Variants in B4GALNT2 observed in about 807,000 individuals in gnomAD.
B4GALNT2 encodes the protein beta-1,4-N-acetyl-galactosaminyltransferase 2 (SID blood group).
Under a neutral mutation model 51.1 loss-of-function variants are expected in B4GALNT2, and 42 were observed. That is an observed-to-expected ratio of 0.82 (90% confidence interval 0.64 to 1.06). The LOEUF (loss-of-function observed/expected upper bound fraction) is 1.06. Among genes scored for constraint, B4GALNT2 ranks in the 50% least tolerant of loss-of-function variants. B4GALNT2 has a pLI of 0.00. For missense variants in B4GALNT2, 602 were observed against 633.6 expected (o/e 0.95, Z 0.54); for synonymous variants, 253 against 251.7 (o/e 1.01, Z -0.05).
At chr17:49,163,304 T>G (rs2042881037) in intron 7 of B4GALNT2, among the ~76,000 whole-genome samples, 1 of 152,150 alleles carries the variant, frequency 6.6e-6, no homozygotes, top group Non-Finnish European at 1.5e-5. Context: ...AACCATGTCT[T>G]CCTGAGGATA....
intron 4 of B4GALNT2, 117 bp downstream of exon 4, chr17:49,153,023 A>G (rs893764568): frequency 3.3e-6 from 3 of 897,484 alleles, no homozygotes; most frequent in African/African-American, 1.7e-5. Flanking sequence ...TTGGGAGTCC[A>G]AAGCAGGAGT....
In B4GALNT2 at chr17:49,168,191, G is replaced by A. The variant is rs569453948; in HGVS notation, c.1096-490G>A. On this transcript the variant is annotated intron_variant, in intron 9 of 10. Transcript: ENST00000393354. ...ATCTGTTGTGCTCAGGCTCAAACATGAAAATGCACATCTCTTCCATGAGTG... is the reference window on the plus strand; with the variant it reads ...ATCTGTTGTGCTCAGGCTCAAACATAAAAATGCACATCTCTTCCATGAGTG... Among the ~76,000 whole-genome samples the A allele has an allele frequency of 2.0e-5, 3 of 152,332 alleles. No homozygotes were observed. In the East Asian group the frequency reaches 5.8e-4, roughly 29 times the overall value.
chr17:49,122,127 C>T, the B4GALNT2 span, among the ~76,000 whole-genome samples: 7 of 151,958 alleles, frequency 4.6e-5, no homozygotes, highest in African/African-American at 1.5e-4. Flanking sequence ...TGTCTCTGGT[C>T]GGGGAGGGAT....
chr17:49,132,658 C>T, upstream of B4GALNT2: 1 of 1,093,078 alleles, frequency 9.1e-7, no homozygotes, highest in Non-Finnish European at 1.2e-6. Context: ...GAGAGAAGGG[C>T]GGGGGCCGTC....
intron 3 of B4GALNT2, among the ~76,000 whole-genome samples, chr17:49,143,504 G>T (rs2042664975): frequency 6.6e-6 from 1 of 152,090 alleles, no homozygotes; most frequent in Non-Finnish European, 1.5e-5. Context: ...TGTTGCTTCT[G>T]CAATGAACTG....
chr17:49,148,401 C>A, intron 3 of B4GALNT2: 1 of 328,500 alleles, frequency 3.0e-6, no homozygotes, highest in Admixed American at 3.9e-5. Context: ...TGGTTGTTGA[C>A]ACAGCCTCAG....
chr17:49,160,417 A>G lies in B4GALNT2; in HGVS notation c.680-138A>G, dbSNP rs528339452. The G allele has an allele frequency of 2.6e-5, 21 of 796,356 alleles. No homozygotes were observed. The East Asian group carries it at 4.4e-4, about 17-fold the overall frequency. The allele number at this position is 796,356 out of a possible 1,614,324, so 49.3% of individuals were successfully genotyped here. On this transcript the variant is annotated intron_variant, in intron 6 of 10. Transcript: ENST00000393354. Reference sequence around the variant, plus strand: ...CAGAAGCCTGAATGCCAGAGACTCTATGGGGTCCTTGATCTCATCCCAACC... The same window carrying G: ...CAGAAGCCTGAATGCCAGAGACTCTGTGGGGTCCTTGATCTCATCCCAACC...
intron 1 of B4GALNT2, among the ~76,000 whole-genome samples, chr17:49,134,173 T>C (rs1293948952): frequency 2.0e-5 from 3 of 152,236 alleles, no homozygotes; most frequent in Non-Finnish European, 4.4e-5. Context: ...CAAATTTGAC[T>C]TTTCCTCCAC....
upstream of B4GALNT2, among the ~76,000 whole-genome samples, chr17:49,128,627 G>A (rs180955336): frequency 9.9e-5 from 15 of 152,262 alleles, no homozygotes; most frequent in African/African-American, 3.4e-4. Context: ...GCCATTCCTG[G>A]TTATAAAGTT....
intron 1 of B4GALNT2, among the ~76,000 whole-genome samples, chr17:49,135,524 C>G (rs1249184188): frequency 6.6e-6 from 1 of 151,974 alleles, no homozygotes; most frequent in Non-Finnish European, 1.5e-5. Flanking sequence ...TCCCAAAGTG[C>G]TGGGATTACA....
chr17:49,135,829 C>T (rs879904466), intron 1 of B4GALNT2, among the ~76,000 whole-genome samples: 3 of 151,318 alleles, frequency 2.0e-5, no homozygotes, highest in South Asian at 2.1e-4. Flanking sequence ...TTTGGGAGGC[C>T]GAGGCGGGCG....
rs768953563 is a variant in B4GALNT2 at position 49,173,734 on chromosome 17, C to T, written c.*4006C>T. On this transcript the variant is annotated 3_prime_UTR_variant, in exon 11 of 11. Coordinates refer to ENST00000393354, the MANE Select transcript of B4GALNT2 (RefSeq NM_001159387.2). ...TTGATCCAAATAAGGAGTTAGAGTCCGTGAATTAGTATGTGGAAGAAAAAG... is the reference window on the plus strand; with the variant it reads ...TTGATCCAAATAAGGAGTTAGAGTCTGTGAATTAGTATGTGGAAGAAAAAG... 16 of 152,138 alleles carry T rather than the reference C, an allele frequency of 1.1e-4. No individual in the cohort carries two copies. Among genetic ancestry groups the T allele is most frequent in the East Asian group, 5.8e-4 (3 of 5,184 alleles). The allele number at this position is 152,138 out of a possible 1,614,324, so 9.4% of individuals were successfully genotyped here. A position where few individuals can be genotyped will look rare whatever the true frequency, so the allele number is the denominator to read the frequency against.
intron 4 of B4GALNT2, 38 bp from the exon 5 acceptor site, chr17:49,156,528 C>T: frequency 1.2e-6 from 2 of 1,611,726 alleles, no homozygotes; most frequent in Non-Finnish European, 1.7e-6. Context: ...CGATGTCTTT[C>T]ATGAGCAGTT....
chr17:49,150,213 C>G (rs2042737059), intron 3 of B4GALNT2, among the ~76,000 whole-genome samples: 1 of 137,104 alleles, frequency 7.3e-6, no homozygotes, highest in African/African-American at 2.8e-5. Flanking sequence ...GGTCAGCCCC[C>G]CGCCCGGCCA....
the B4GALNT2 span, among the ~76,000 whole-genome samples, chr17:49,122,510 C>T: frequency 6.6e-6 from 1 of 152,316 alleles, no homozygotes; most frequent in South Asian, 2.1e-4. Context: ...AGGGTAAGAA[C>T]ATTAGTCCTA....
Position 49,152,813 on chromosome 17 carries a change from C to T in B4GALNT2, c.367C>T (p.Arg123Cys), listed in dbSNP as rs770770615. ...TCCTTCCTGCAGAGAAGGGCTGCCC[C>T]GCCCACTGCCCCTGCTGGTCCAGCC... ...EHFQRREGLP[R>C]PLPLLVQPNL... is the part of the protein sequence containing the mutation. The change falls in exon 4 of 11, where the codon CGC becomes TGC. Residue 123 changes from arginine (R) to cysteine (C), a missense_variant. Physicochemically the swap from Arg to Cys is radical, Grantham distance 180. Transcript: ENST00000393354. 51 of 1,602,756 alleles carry T rather than the reference C, an allele frequency of 3.2e-5. No homozygotes were observed. Among genetic ancestry groups the T allele is most frequent in the Non-Finnish European group, 3.7e-5 (44 of 1,174,528 alleles).
chr17:49,139,579 C>G (rs1057224451), intron 1 of B4GALNT2, among the ~76,000 whole-genome samples: 1 of 152,102 alleles, frequency 6.6e-6, no homozygotes, highest in Admixed American at 6.6e-5. Flanking sequence ...TGCAGTAGTG[C>G]GATCATAGCT....
upstream of B4GALNT2, chr17:49,132,754 T>C: frequency 7.2e-7 from 1 of 1,390,302 alleles, no homozygotes; most frequent in Non-Finnish European, 9.3e-7. Flanking sequence ...GCTGCTAGGC[T>C]CCGTGACATC....
intron 3 of B4GALNT2, chr17:49,148,641 C>A: frequency 5.4e-6 from 3 of 556,714 alleles, no homozygotes; most frequent in Non-Finnish European, 6.7e-6. Flanking sequence ...CTGCACAAAG[C>A]CTCCGGACTT....
Sources: allele counts gnomAD v4.1 joint callset (sites outside exome capture counted in the v4.1 genomes callset), GRCh38; gene constraint gnomAD v4.1.1; transcripts MANE v1.5; gene names NCBI Gene and HGNC (gene_info 2026-07-23, HGNC 2026-07-21).